Variants in CHCHD3 observed in about 807,000 individuals in gnomAD.
The protein encoded by CHCHD3 is coiled-coil-helix-coiled-coil-helix domain containing 3, also known as MICOS complex subunit MIC19.
Under a neutral mutation model 38.2 loss-of-function variants are expected in CHCHD3, and 20 were observed. That is an observed-to-expected ratio of 0.52 (90% CI 0.37 to 0.76). The LOEUF (loss-of-function observed/expected upper bound fraction) is 0.76. Among genes scored for constraint, CHCHD3 ranks in the 30% least tolerant of loss-of-function variants. The pLI, the probability that CHCHD3 is intolerant of heterozygous loss-of-function variation, is 0.00. For missense variants in CHCHD3, 245 were observed against 279.2 expected, an observed-to-expected ratio of 0.88 and a Z score of 0.87; for synonymous variants, 82 against 100.0, an observed-to-expected ratio of 0.82 and a Z score of 1.07.
At chr7:132,954,746 G>A (rs1811117871) in intron 4 of CHCHD3, among the ~76,000 whole-genome samples, 1 of 152,076 alleles carries the variant, frequency 6.6e-6, no homozygotes, top group African/African-American at 2.4e-5. Flanking sequence ...CCCACTGAGG[G>A]GCCAAGTAGA....
At chr7:132,941,036 G>A (rs964939056) in intron 4 of CHCHD3, among the ~76,000 whole-genome samples, 51 of 152,012 alleles carry the variant, frequency 3.4e-4, no homozygotes, top group African/African-American at 1.0e-3. Context: ...GATGCTTTCC[G>A]ATCTTATATG....
chr7:133,039,728 C>T (rs1813776838), intron 2 of CHCHD3, among the ~76,000 whole-genome samples: 2 of 152,244 alleles, frequency 1.3e-5, no homozygotes, highest in Middle Eastern at 3.2e-3. Flanking sequence ...CATATCTATT[C>T]TTTCTGCCCT....
intron 4 of CHCHD3, among the ~76,000 whole-genome samples, chr7:132,914,157 T>C (rs1810041685): frequency 6.6e-6 from 1 of 150,988 alleles, no homozygotes; most frequent in Non-Finnish European, 1.5e-5. Context: ...TGTGTGTGTG[T>C]GTGTGTGTGT....
In CHCHD3 at chr7:132,812,587, A is replaced by G. The variant is rs144192731; in HGVS notation, c.525-16010T>C. On this transcript the variant is annotated intron_variant, in intron 6 of 7. Transcript: ENST00000262570. The stretch of plus-strand genomic sequence containing the variant: ...AACCACTTGCCTGGACTATTTCAAC[A>G]GCCTCCCATGTAGTCCCTCTGTTTC... 4.5e-3 allele frequency among the ~76,000 whole-genome samples: 691 copies of G among 152,168 alleles called. 9 individuals are homozygous for G. The highest frequency in any genetic ancestry group is 0.016 in the African/African-American group (654 of 41,526).
chr7:133,069,591 G>T (rs1475478058), intron 2 of CHCHD3, among the ~76,000 whole-genome samples: 1 of 152,152 alleles, frequency 6.6e-6, no homozygotes. Context: ...AGAGAAAAGG[G>T]AGAAGAAACA....
intron 5 of CHCHD3, among the ~76,000 whole-genome samples, chr7:132,857,036 C>A (rs1182502283): frequency 1.3e-5 from 2 of 152,198 alleles, no homozygotes; most frequent in Non-Finnish European, 2.9e-5. Flanking sequence ...AATGTTATTT[C>A]ACCACACCAC....
intron 1 of CHCHD3, among the ~76,000 whole-genome samples, chr7:133,076,258 A>T (rs1158276628): frequency 6.6e-6 from 1 of 152,120 alleles, no homozygotes; most frequent in Non-Finnish European, 1.5e-5. Context: ...GAATAGTGAA[A>T]TAATCCCCAC....
chr7:132,806,570 G>C (rs1443762197), intron 6 of CHCHD3, among the ~76,000 whole-genome samples: 11 of 152,166 alleles, frequency 7.2e-5, no homozygotes. Flanking sequence ...AGAATGGAAA[G>C]GGCTTAGGCA....
chr7:132,852,994 C>A (rs1448077522), intron 5 of CHCHD3, among the ~76,000 whole-genome samples: 1 of 152,208 alleles, frequency 6.6e-6, no homozygotes, highest in Non-Finnish European at 1.5e-5. Context: ...AGGCATGATA[C>A]TTGCTGTGCT....
intron 4 of CHCHD3, among the ~76,000 whole-genome samples, chr7:132,952,591 T>C (rs1811058658): frequency 6.6e-6 from 1 of 152,216 alleles, no homozygotes; most frequent in East Asian, 1.9e-4. Context: ...CTCAAGCCAG[T>C]CTTGAATAGA....
At chr7:133,070,860 T>C (rs1814801425) in intron 1 of CHCHD3, among the ~76,000 whole-genome samples, 1 of 152,036 alleles carries the variant, frequency 6.6e-6, no homozygotes, top group African/African-American at 2.4e-5. Context: ...GAAAACACAA[T>C]GGGCAGCACA....
intron 4 of CHCHD3, among the ~76,000 whole-genome samples, chr7:132,965,439 G>A (rs1811437267): frequency 6.7e-6 from 1 of 148,718 alleles, no homozygotes; most frequent in South Asian, 2.2e-4. Flanking sequence ...ACAGTTGAAG[G>A]CTCTTAGTTA....
In CHCHD3 at chr7:132,785,679, G is replaced by C; in HGVS notation, c.661-19C>G. ...GCATGCTCTGCAAGAAAAACAGAAA[G>C]AGTAAGTTTTACCACCGGGAGAGGA... On this transcript the variant is annotated intron_variant, in intron 7 of 7. Coordinates refer to ENST00000262570, the MANE Select transcript of CHCHD3 (RefSeq NM_017812.4). 1 of 1,613,778 alleles carries C rather than the reference G, an allele frequency of 6.2e-7. No individual in the cohort carries two copies. Among genetic ancestry groups the C allele is most frequent in the South Asian group, 1.1e-5 (1 of 91,050 alleles).
At chr7:132,796,715 T>TA in intron 6 of CHCHD3, 138 bp from the exon 7 acceptor site, 1 of 747,054 alleles carries the variant, frequency 1.3e-6, no homozygotes, top group East Asian at 2.7e-5. Flanking sequence ...GAATTTTCCT[T>TA]AAACTTCAAA....
intron 3 of CHCHD3, among the ~76,000 whole-genome samples, chr7:133,015,086 A>C (rs1167047329): frequency 6.6e-6 from 1 of 152,212 alleles, no homozygotes; most frequent in Non-Finnish European, 1.5e-5. Context: ...TCACGCCTGT[A>C]ATCCCAACAC....
intron 1 of CHCHD3, 111 bp downstream of exon 1, chr7:133,081,746 A>T: frequency 1.9e-6 from 2 of 1,059,756 alleles, no homozygotes; most frequent in Non-Finnish European, 1.4e-6. Flanking sequence ...TTCTGGCCTT[A>T]ATACGCTAGG....
rs150017995 is a variant in CHCHD3, at chr7:132,835,389, A to C, written c.524+3010T>G. Among the ~76,000 whole-genome samples, 6 of 152,304 alleles carry C rather than the reference A, an allele frequency of 3.9e-5. No homozygotes were observed. In the East Asian group the frequency reaches 1.2e-3, roughly 29 times the overall value. ...GGCCAAGGCCAATTTCTTACTACACAGTTTGGCCATATTATTAATTATTCT... is the reference window on the plus strand; with the variant it reads ...GGCCAAGGCCAATTTCTTACTACACCGTTTGGCCATATTATTAATTATTCT... On this transcript the variant is annotated intron_variant, in intron 6 of 7. Transcript: ENST00000262570.
At chr7:132,924,172 AT>A (rs1242741853) in intron 4 of CHCHD3, among the ~76,000 whole-genome samples, 4 of 152,204 alleles carry the variant, frequency 2.6e-5, no homozygotes, top group Admixed American at 6.5e-5. Context: ...GAAGGGTAAG[AT>A]TAGGTGACAA....
chr7:132,981,894 C>T (rs1236147373), intron 3 of CHCHD3, among the ~76,000 whole-genome samples: 1 of 152,122 alleles, frequency 6.6e-6, no homozygotes, highest in African/African-American at 2.4e-5. Context: ...GCAATATATA[C>T]AAGATACTGC....
Sources: allele counts gnomAD v4.1 joint callset (sites outside exome capture counted in the v4.1 genomes callset), GRCh38; gene constraint gnomAD v4.1.1; transcripts MANE v1.5; gene names NCBI Gene and HGNC (gene_info 2026-07-23, HGNC 2026-07-21).